The following SHOC2 variants were observed in gnomAD, a reference collection of about 807,000 sequenced individuals.
SHOC2 encodes the protein SHOC2 leucine rich repeat scaffold protein.
In SHOC2, 4 loss-of-function variants were observed where a neutral mutation model predicts 50.2. The ratio of observed to expected loss-of-function variants is 0.08; its 90% confidence interval spans 0.04 to 0.18. SHOC2 has a LOEUF of 0.18. SHOC2 is among the 10% of genes least tolerant of loss of function. The pLI, the probability that SHOC2 is intolerant of heterozygous loss-of-function variation, is 1.00. For synonymous variants in SHOC2, 218 were observed against 244.5 expected, an observed-to-expected ratio of 0.89 and a Z score of 1.01; for missense variants, 388 against 669.6, an observed-to-expected ratio of 0.58 and a Z score of 4.64.
intron 7 of SHOC2, 132 bp from the exon 8 acceptor site, chr10:111,009,581 T>C: frequency 2.5e-6 from 2 of 786,258 alleles, no homozygotes; most frequent in South Asian, 3.3e-5. Context: ...AAATATGTAA[T>C]GTAAGTGATT....
At chr10:110,980,801 TC>T (rs760816112) in intron 2 of SHOC2, among the ~76,000 whole-genome samples, 82 of 152,234 alleles carry the variant, frequency 5.4e-4, no homozygotes, top group South Asian at 1.0e-3. Context: ...CTTTTTTTTT[TC>T]ACCCCAACTT....
At chr10:111,011,263 G>T (rs1848561493) in intron 8 of SHOC2, among the ~76,000 whole-genome samples, 1 of 152,128 alleles carries the variant, frequency 6.6e-6, no homozygotes, top group Non-Finnish European at 1.5e-5. Flanking sequence ...ATATATATAA[G>T]TAAATGTTAT....
chr10:110,926,720 A>G (rs571323154), intron 1 of SHOC2, among the ~76,000 whole-genome samples: 2 of 152,338 alleles, frequency 1.3e-5, no homozygotes, highest in African/African-American at 4.8e-5. Context: ...GTTATTGGAT[A>G]TTAGTAAATT....
rs1847415915 is a variant in SHOC2, at chr10:110,954,338, A to G, written c.-234-9787A>G. Among the ~76,000 whole-genome samples the G allele has an allele frequency of 2.0e-5, 3 of 152,300 alleles. No homozygotes were observed. The South Asian group carries it at 6.2e-4, about 32-fold the overall frequency. On this transcript the variant is annotated intron_variant, in intron 1 of 8. Transcript: ENST00000369452. ...TTAGGGTGGCAGGAGTATATTGACT[A>G]TGGAATCAGAAGACTTGGTCATCTA... is the stretch of plus-strand genomic sequence containing the variant.
intron 2 of SHOC2, among the ~76,000 whole-genome samples, chr10:110,979,147 T>A (rs1305820779): frequency 6.6e-6 from 1 of 152,200 alleles, no homozygotes; most frequent in Non-Finnish European, 1.5e-5. Flanking sequence ...AGGATACACA[T>A]CCCAACTCAT....
intron 2 of SHOC2, among the ~76,000 whole-genome samples, chr10:110,984,586 G>T (rs1848043266): frequency 6.6e-6 from 1 of 151,984 alleles, no homozygotes; most frequent in Admixed American, 6.6e-5. Flanking sequence ...GAGTTCTGTA[G>T]TTTGTGCTTT....
intron 2 of SHOC2, among the ~76,000 whole-genome samples, chr10:110,972,933 A>T (rs1020827524): frequency 6.6e-6 from 1 of 152,224 alleles, no homozygotes; most frequent in Non-Finnish European, 1.5e-5. Flanking sequence ...TGGCTGAGGT[A>T]TGGGAAAGAG....
chr10:111,009,168 T>G (rs1848523044), intron 6 of SHOC2, 80 bp from the exon 7 acceptor site: 1 of 965,624 alleles, frequency 1.0e-6, no homozygotes, highest in South Asian at 1.4e-5. Flanking sequence ...TAGCATTGCT[T>G]AATAGATTTT....
chr10:110,996,325 C>T (rs1848266740), intron 3 of SHOC2, among the ~76,000 whole-genome samples: 1 of 151,998 alleles, frequency 6.6e-6, no homozygotes. Context: ...GCATAGAGAT[C>T]GAGACCAGCC....
chr10:110,936,404 G>T (rs891420604), intron 1 of SHOC2, among the ~76,000 whole-genome samples: 25 of 151,754 alleles, frequency 1.6e-4, no homozygotes, highest in Admixed American at 1.4e-3. Context: ...CACCCAGCCT[G>T]CTTCACTGAT....
rs1848579383 is a variant in SHOC2, at chr10:111,012,221, T to G, written c.*403T>G. The G allele has an allele frequency of 5.2e-6, 1 of 193,814 alleles. No individual in the cohort carries two copies. Among genetic ancestry groups the G allele is most frequent in the Non-Finnish European group, 1.1e-5 (1 of 93,720 alleles). 12.0% of individuals were successfully genotyped at this position (193,814 alleles called of 1,614,324 possible). On this transcript the variant is annotated 3_prime_UTR_variant, in exon 9 of 9. Coordinates refer to ENST00000369452, the MANE Select transcript of SHOC2 (RefSeq NM_007373.4). ...CCCCTTACCAATTGTTTTATCCTTA[T>G]AGTATTGTAGGCCCTGAAAGTAGAA... is the stretch of plus-strand genomic sequence containing the variant.
At chr10:110,955,089 G>A (rs1028137112) in intron 1 of SHOC2, among the ~76,000 whole-genome samples, 2 of 152,208 alleles carry the variant, frequency 1.3e-5, no homozygotes, top group South Asian at 2.1e-4. Context: ...TGCATACGGC[G>A]GTTAGAGAAT....
chr10:110,931,561 C>A (rs1196894858), intron 1 of SHOC2, among the ~76,000 whole-genome samples: 12 of 152,030 alleles, frequency 7.9e-5, no homozygotes, highest in African/African-American at 2.9e-4. Context: ...CAATTGAAAT[C>A]TTGTCATTTT....
intron 1 of SHOC2, among the ~76,000 whole-genome samples, chr10:110,942,899 C>T (rs1031185393): frequency 6.6e-6 from 1 of 152,138 alleles, no homozygotes; most frequent in Non-Finnish European, 1.5e-5. Flanking sequence ...CTTCTGGCCT[C>T]TATATTTTCT....
intron 1 of SHOC2, among the ~76,000 whole-genome samples, chr10:110,925,065 T>G (rs2134068680): frequency 1.1e-5 from 1 of 94,774 alleles, no homozygotes; most frequent in Middle Eastern, 6.8e-3. Flanking sequence ...AGTGAGACTC[T>G]GTCTCAAAAA....
intron 2 of SHOC2, among the ~76,000 whole-genome samples, chr10:110,979,503 C>A (rs1193139475): frequency 6.6e-6 from 1 of 152,098 alleles, no homozygotes; most frequent in Non-Finnish European, 1.5e-5. Context: ...AGAAGTCTGC[C>A]TATTACAGTT....
intron 3 of SHOC2, among the ~76,000 whole-genome samples, chr10:110,997,172 T>C (rs1848283311): frequency 6.6e-6 from 1 of 152,222 alleles, no homozygotes; most frequent in Non-Finnish European, 1.5e-5. Context: ...ATATATAGTC[T>C]AATATACTAT....
rs74404706 is a variant in SHOC2, at chr10:110,955,290, A to G, written c.-234-8835A>G. Reference sequence around the variant, plus strand: ...AGTAGACGATTTGTGATTCATTTTGACTAAAGTCCACCATGTTTGCCAAAG... The same window carrying G: ...AGTAGACGATTTGTGATTCATTTTGGCTAAAGTCCACCATGTTTGCCAAAG... On this transcript the variant is annotated intron_variant, in intron 1 of 8. Coordinates refer to ENST00000369452, the MANE Select transcript of SHOC2 (RefSeq NM_007373.4). 2.8e-4 allele frequency among the ~76,000 whole-genome samples: 43 copies of G among 152,302 alleles called. No homozygotes were observed. In the East Asian group the frequency reaches 3.7e-3, roughly 13 times the overall value.
chr10:110,974,051 A>G (rs904673512), intron 2 of SHOC2, among the ~76,000 whole-genome samples: 1 of 151,864 alleles, frequency 6.6e-6, no homozygotes, highest in Non-Finnish European at 1.5e-5. Flanking sequence ...ATTCCTTATT[A>G]CTTTGGGTTT....
Sources: allele counts gnomAD v4.1 joint callset (sites outside exome capture counted in the v4.1 genomes callset), GRCh38; gene constraint gnomAD v4.1.1; transcripts MANE v1.5; gene names NCBI Gene and HGNC (gene_info 2026-07-23, HGNC 2026-07-21).